The following SOX6 variants were observed in gnomAD, a reference collection of about 807,000 sequenced individuals.
The protein encoded by SOX6 is SRY-box transcription factor 6.
A neutral mutation model predicts 97.8 loss-of-function variants in SOX6; 11 were observed. That is an observed-to-expected ratio of 0.11 (90% CI 0.07 to 0.19). The LOEUF is 0.19. Among genes scored for constraint, SOX6 ranks in the 10% least tolerant of loss-of-function variants. The probability of loss-of-function intolerance (pLI) is 1.00; values close to 1 mark genes in which losing one functional copy is unlikely to be tolerated. For synonymous variants in SOX6, 360 were observed against 371.4 expected (o/e 0.97, Z 0.35); for missense variants, 810 against 1,039.5 (o/e 0.78, Z 3.04).
intron 6 of SOX6, among the ~76,000 whole-genome samples, chr11:16,165,159 T>C (rs944094241): frequency 6.6e-6 from 1 of 152,188 alleles, no homozygotes; most frequent in Non-Finnish European, 1.5e-5. Context: ...TTGAAAGCCA[T>C]AAATACTACC....
intron 6 of SOX6, among the ~76,000 whole-genome samples, chr11:16,138,708 A>C (rs1435054988): frequency 1.7e-4 from 24 of 139,734 alleles, no homozygotes; most frequent in African/African-American, 4.4e-4. Context: ...CCCTCCTCCC[A>C]CCCCACAACA....
intron 5 of SOX6, among the ~76,000 whole-genome samples, chr11:16,185,117 C>T (rs1851437729): frequency 6.6e-6 from 1 of 152,162 alleles, no homozygotes; most frequent in Non-Finnish European, 1.5e-5. Context: ...GACAAAATAG[C>T]AGTCTGCTTC....
intron 4 of SOX6, among the ~76,000 whole-genome samples, chr11:16,568,995 G>A (rs1229076466): frequency 1.3e-5 from 2 of 152,120 alleles, no homozygotes; most frequent in Non-Finnish European, 2.9e-5. Context: ...TGTGTTAACT[G>A]AATGAAAGAA....
chr11:16,090,389 T>C (rs1040532275), intron 9 of SOX6, among the ~76,000 whole-genome samples: 8 of 152,062 alleles, frequency 5.3e-5, no homozygotes, highest in Admixed American at 5.2e-4. Flanking sequence ...GAAAATCCAG[T>C]TTATCCAATG....
At chr11:16,138,883 T>A (rs1850050930) in intron 6 of SOX6, among the ~76,000 whole-genome samples, 1 of 152,210 alleles carries the variant, frequency 6.6e-6, no homozygotes, top group Non-Finnish European at 1.5e-5. Flanking sequence ...CATGAACTCA[T>A]CATTTTTTAT....
intron 12 of SOX6, among the ~76,000 whole-genome samples, chr11:16,036,105 G>T (rs1855512733): frequency 6.9e-6 from 1 of 145,514 alleles, no homozygotes; most frequent in Non-Finnish European, 1.5e-5. Flanking sequence ...TTGAGATGGA[G>T]TTTCGCTCTT....
At position 16,363,040 on chromosome 11, in the gene SOX6, T is replaced by C. The variant is rs1857249651; in HGVS notation, c.-4-21788A>G. 2.0e-5 allele frequency among the ~76,000 whole-genome samples: 3 copies of C among 152,200 alleles called. No homozygotes were observed. The South Asian group carries it at 6.2e-4, about 32-fold the overall frequency. ...TCGGTAAATACATATATGTATATGC[T>C]TGACACTGTTCTAGCTTCTGAGGAT... On this transcript the variant is annotated intron_variant, in intron 1 of 15. Transcript: ENST00000396356.
At chr11:16,671,980 T>C (rs1847850574) in intron 3 of SOX6, among the ~76,000 whole-genome samples, 2 of 152,124 alleles carry the variant, frequency 1.3e-5, no homozygotes. Flanking sequence ...CCAGAAGAGA[T>C]TGGGGGCCTA....
intron 9 of SOX6, among the ~76,000 whole-genome samples, chr11:16,073,429 G>T (rs934429838): frequency 6.6e-6 from 1 of 152,150 alleles, no homozygotes; most frequent in Non-Finnish European, 1.5e-5. Context: ...CCCAACACAG[G>T]AAAACTCAGA....
At chr11:16,550,184 G>A (rs1746739002) in intron 4 of SOX6, among the ~76,000 whole-genome samples, 1 of 152,120 alleles carries the variant, frequency 6.6e-6, no homozygotes, top group Non-Finnish European at 1.5e-5. Flanking sequence ...GATGAAGCTG[G>A]AAACCATCAT....
intron 6 of SOX6, among the ~76,000 whole-genome samples, chr11:16,162,357 C>A (rs573273964): frequency 6.6e-6 from 1 of 152,170 alleles, no homozygotes; most frequent in South Asian, 2.1e-4. Context: ...CAAGCAATAC[C>A]CTTGATATAG....
intron 1 of SOX6, among the ~76,000 whole-genome samples, chr11:16,419,047 T>TCCATGCA (rs1171649850): frequency 6.6e-6 from 1 of 152,196 alleles, no homozygotes; most frequent in Admixed American, 6.5e-5. Flanking sequence ...TTATGGAAAC[T>TCCATGCA]CCATGCATTA....
chr11:16,333,832 G>T (rs1458561966), intron 2 of SOX6, among the ~76,000 whole-genome samples: 3 of 152,152 alleles, frequency 2.0e-5, no homozygotes, highest in Non-Finnish European at 4.4e-5. Flanking sequence ...AGAAGTATTT[G>T]CATAGGGATA....
intron 3 of SOX6, among the ~76,000 whole-genome samples, chr11:16,664,082 G>A (rs1847786812): frequency 6.6e-6 from 1 of 151,986 alleles, no homozygotes; most frequent in Non-Finnish European, 1.5e-5. Flanking sequence ...GGGCAACATA[G>A]CAAGACCTCA....
chr11:16,142,349 T>A (rs2134041350), intron 6 of SOX6, among the ~76,000 whole-genome samples: 1 of 152,266 alleles, frequency 6.6e-6, no homozygotes, highest in Non-Finnish European at 1.5e-5. Context: ...AAACCCCATC[T>A]GTACCTCACC....
chr11:16,509,917 T>C (rs976130399), intron 4 of SOX6, among the ~76,000 whole-genome samples: 3 of 152,100 alleles, frequency 2.0e-5, no homozygotes, highest in African/African-American at 7.2e-5. Flanking sequence ...ACTCTAGATA[T>C]CATTTTTACT....
At chr11:16,333,075 T>G (rs1002266181) in intron 2 of SOX6, among the ~76,000 whole-genome samples, 1 of 152,170 alleles carries the variant, frequency 6.6e-6, no homozygotes, top group African/African-American at 2.4e-5. Context: ...AACCTCATCT[T>G]CAAACAAATG....
intron 6 of SOX6, among the ~76,000 whole-genome samples, chr11:16,118,998 G>T (rs1197089336): frequency 6.6e-6 from 1 of 152,164 alleles, no homozygotes; most frequent in Non-Finnish European, 1.5e-5. Context: ...CAGAAAAAGT[G>T]ATCTTGGGAG....
chr11:16,333,718 T>C (rs1565097035), intron 2 of SOX6, among the ~76,000 whole-genome samples: 1 of 152,176 alleles, frequency 6.6e-6, no homozygotes, highest in East Asian at 1.9e-4. Context: ...TAGATTATAC[T>C]AGATTTTTTA....
Sources: allele counts gnomAD v4.1 joint callset (sites outside exome capture counted in the v4.1 genomes callset), GRCh38; gene constraint gnomAD v4.1.1; transcripts MANE v1.5; gene names NCBI Gene and HGNC (gene_info 2026-07-23, HGNC 2026-07-21).